UPRT: variants seen among roughly 807,000 people sequenced by gnomAD.
UPRT encodes uracil phosphoribosyltransferase homolog, also known as RP11-311P8.3.
UPRT carries 5 observed loss-of-function variants against 22.6 expected under a neutral mutation model. The observed-to-expected ratio is 0.22, with a 90% confidence interval of 0.12 to 0.47. UPRT has a LOEUF of 0.47. UPRT is among the 20% of genes least tolerant of loss of function. The probability of loss-of-function intolerance (pLI) is 0.99; values close to 1 mark genes in which losing one functional copy is unlikely to be tolerated. For synonymous variants in UPRT, 77 were observed against 87.7 expected (o/e 0.88, Z 0.68); for missense variants, 181 against 239.9 (o/e 0.75, Z 1.62).
chrX:75,235,112 C>G (rs1313314656), intron 4 of UPRT, among the ~76,000 whole-genome samples: 1 of 111,663 alleles, frequency 9.0e-6, no homozygotes, highest in East Asian at 2.8e-4. Flanking sequence ...ATATCACCAC[C>G]AATCCCACAG....
chrX:75,191,510 A>G (rs1276287921), intron 4 of UPRT, among the ~76,000 whole-genome samples: 2 of 110,079 alleles, frequency 1.8e-5, no homozygotes, highest in Admixed American at 1.9e-4. Flanking sequence ...GAACATTTAA[A>G]TCTGCAGAGG....
chrX:75,225,693 T>C (rs2082422201), intron 4 of UPRT, among the ~76,000 whole-genome samples: 1 of 111,924 alleles, frequency 8.9e-6, no homozygotes, highest in Non-Finnish European at 1.9e-5. Context: ...TAAACAATTG[T>C]CACCAGTTAT....
At chrX:75,298,156 A>T (rs1198166259) in intron 4 of UPRT, among the ~76,000 whole-genome samples, 5 of 97,235 alleles carry the variant, frequency 5.1e-5, no homozygotes, top group Non-Finnish European at 1.0e-4. Context: ...TTAAAAAACA[A>T]TTTTTTTTTT....
chrX:75,189,974 T>G (rs1268592618), intron 4 of UPRT, among the ~76,000 whole-genome samples: 2 of 112,215 alleles, frequency 1.8e-5, no homozygotes, highest in Non-Finnish European at 3.8e-5. Context: ...TTAGCCCATT[T>G]ACATTTAAGG....
intron 4 of UPRT, among the ~76,000 whole-genome samples, chrX:75,189,191 T>A (rs1390074199): frequency 8.9e-6 from 1 of 112,280 alleles, no homozygotes; most frequent in Non-Finnish European, 1.9e-5. Flanking sequence ...GTCTTTTTTC[T>A]CATTGGTTTC....
intron 4 of UPRT, among the ~76,000 whole-genome samples, chrX:75,239,364 T>C (rs931572122): frequency 9.0e-6 from 1 of 111,141 alleles, no homozygotes; most frequent in Non-Finnish European, 1.9e-5. Flanking sequence ...TAGAGAAGGA[T>C]ACATTCCTTG....
intron 3 of UPRT, among the ~76,000 whole-genome samples, chrX:75,165,188 A>G (rs1226123185): frequency 1.8e-5 from 2 of 111,055 alleles, no homozygotes; most frequent in Non-Finnish European, 3.8e-5. Flanking sequence ...ACAGTTGCTC[A>G]ATACTATCTA....
intron 1 of UPRT, among the ~76,000 whole-genome samples, chrX:75,284,465 A>G (rs975112171): frequency 5.4e-5 from 6 of 111,707 alleles, no homozygotes; most frequent in African/African-American, 1.6e-4. Flanking sequence ...GCTGTTGTTC[A>G]GATTCTTTTG....
In UPRT at chrX:75,190,796, A is replaced by C. The variant is rs200612086; in HGVS notation, c.-447+22917A>C. ...GGTTACTGAAGCTTGTGCGTTCATC[A>C]CATAGTTCTCATGCCATGGTTTTCA... On this transcript the variant is annotated intron_variant, in intron 4 of 13. Transcript: ENST00000652605. 5.4e-5 allele frequency among the ~76,000 whole-genome samples: 6 copies of C among 111,981 alleles called. No individual in the cohort carries two copies. The East Asian group carries it at 1.7e-3, about 31-fold the overall frequency.
intron 1 of UPRT, among the ~76,000 whole-genome samples, chrX:75,158,337 C>T (rs2082189634): frequency 8.9e-6 from 1 of 112,204 alleles, no homozygotes; most frequent in African/African-American, 3.2e-5. Context: ...ATAAAAGCTG[C>T]TATAAATAGC....
At chrX:75,300,453 G>C (rs2082740124) in intron 5 of UPRT, among the ~76,000 whole-genome samples, 2 of 111,912 alleles carry the variant, frequency 1.8e-5, no homozygotes, top group Non-Finnish European at 3.8e-5. Context: ...TTCATATGAA[G>C]TGGTTTCTTA....
Position 75,222,576 on chromosome X carries a change from C to T in UPRT, c.-447+54697C>T, listed in dbSNP as rs756946904. On this transcript the variant is annotated intron_variant, in intron 4 of 13. Transcript: ENST00000652605. ...GACAAAGTCCTTCCTTCTTTTTCCT[C>T]CCATTTTCACAGGCAGAAGATTCTC... Among the ~76,000 whole-genome samples the T allele has an allele frequency of 9.0e-5, 10 of 111,513 alleles. No individual in the cohort carries two copies. The South Asian group carries it at 3.8e-3, about 42-fold the overall frequency.
chrX:75,248,709 C>T (rs890279327), intron 4 of UPRT, among the ~76,000 whole-genome samples: 1 of 111,417 alleles, frequency 9.0e-6, no homozygotes, highest in African/African-American at 3.3e-5. Context: ...ATACAGGGAA[C>T]ACCACAAAGA....
intron 4 of UPRT, among the ~76,000 whole-genome samples, chrX:75,249,075 G>A (rs1264771908): frequency 9.0e-6 from 1 of 111,501 alleles, no homozygotes; most frequent in Admixed American, 9.6e-5. Flanking sequence ...AACACGGAGA[G>A]GAACAACCAG....
intron 4 of UPRT, among the ~76,000 whole-genome samples, chrX:75,246,076 T>G (rs1404399879): frequency 8.9e-6 from 1 of 111,753 alleles, no homozygotes; most frequent in East Asian, 2.8e-4. Context: ...TCATTTTATA[T>G]TTTAAATTAA....
intron 6 of UPRT, among the ~76,000 whole-genome samples, chrX:75,302,480 G>T (rs1162441801): frequency 9.0e-6 from 1 of 110,831 alleles, no homozygotes; most frequent in Non-Finnish European, 1.9e-5. Context: ...GTCATAATTT[G>T]TATTGGTCAT....
chrX:75,235,533 A>T (rs1162744205), intron 4 of UPRT, among the ~76,000 whole-genome samples: 1 of 112,101 alleles, frequency 8.9e-6, no homozygotes, highest in Non-Finnish European at 1.9e-5. Flanking sequence ...ATGAACATTG[A>T]TGCAAAAATC....
At chrX:75,187,568 C>T (rs1310752084) in intron 4 of UPRT, among the ~76,000 whole-genome samples, 2 of 111,708 alleles carry the variant, frequency 1.8e-5, no homozygotes, top group Non-Finnish European at 1.9e-5. Flanking sequence ...GAAGGTTGGA[C>T]TGCCTTGCTA....
chrX:75,231,052 A>C (rs200344646), intron 4 of UPRT, among the ~76,000 whole-genome samples: 1 of 109,437 alleles, frequency 9.1e-6, no homozygotes, highest in Non-Finnish European at 1.9e-5. Flanking sequence ...GATCTATAAA[A>C]CCCCAAAAGA....
Sources: gnomAD v4.1 joint callset for allele counts (sites outside exome capture counted in the v4.1 genomes callset) on GRCh38, gnomAD v4.1.1 for gene constraint, MANE v1.5 for transcripts, NCBI Gene and HGNC (gene_info 2026-07-23, HGNC 2026-07-21) for gene names.